LGI4: variants seen among roughly 807,000 people sequenced by gnomAD.
LGI4 encodes the protein leucine rich repeat LGI family member 4.
Under a neutral mutation model 48.3 loss-of-function variants are expected in LGI4, and 36 were observed. The ratio of observed to expected loss-of-function variants is 0.75; its 90% confidence interval spans 0.57 to 0.98. The LOEUF is 0.98. LGI4 is among the 50% of genes least tolerant of loss of function. LGI4 has a pLI of 0.00. For missense variants in LGI4, 701 were observed against 732.1 expected (o/e 0.96, Z 0.49); for synonymous variants, 355 against 331.6 (o/e 1.07, Z -0.77).
At position 35,126,501 on chromosome 19, in the gene LGI4, C is replaced by G. The variant is rs1410593650; in HGVS notation, c.1068G>C (p.Gln356His). 3 of 1,554,740 alleles carry G rather than the reference C, an allele frequency of 1.9e-6. No individual in the cohort carries two copies. Among genetic ancestry groups the G allele is most frequent in the Non-Finnish European group, 2.6e-6 (3 of 1,154,530 alleles). Residue 356 changes from glutamine to histidine, a missense_variant, in exon 8 of 9, where the codon CAG becomes CAC. Physicochemically the swap from Gln to His is conservative, Grantham distance 24. This residue lies in a region of LGI4 where 223 missense variants were observed against 263.3 expected (regional missense o/e 0.85). Coordinates refer to ENST00000310123, the MANE Select transcript of LGI4 (RefSeq NM_139284.3). Reference sequence around the variant, plus strand: ...TGTCCCGGTGCCAGGCGTGCAGGCTCTGGTGCGGGTAAAAGCCGGGCCCGT... The same window carrying G: ...TGTCCCGGTGCCAGGCGTGCAGGCTGTGGTGCGGGTAAAAGCCGGGCCCGT... ...CRDGPGFYPH[Q>H]SLHAWHRDTD...
At chr19:35,131,058 C>A in intron 6 of LGI4, 1 of 590,334 alleles carries the variant, frequency 1.7e-6, no homozygotes, top group Non-Finnish European at 3.0e-6. Flanking sequence ...CAGTTCTTAG[C>A]GCAATACTTG....
chr19:35,131,947 G>A, intron 4 of LGI4, 24 bp downstream of exon 4: 1 of 1,580,842 alleles, frequency 6.3e-7, no homozygotes, highest in Non-Finnish European at 8.6e-7. Flanking sequence ...TCTCATGGAG[G>A]GCTGGGGCGG....
intron 1 of LGI4, 91 bp downstream of exon 1, chr19:35,134,420 G>A (rs1177973750): frequency 1.5e-6 from 2 of 1,340,854 alleles, no homozygotes; most frequent in Non-Finnish European, 2.1e-6. Context: ...ATGGGCCCCT[G>A]TTTCCCTGGA....
Position 35,126,913 on chromosome 19 carries a change from A to G in LGI4, c.733T>C (p.Cys245Arg). The G allele has an allele frequency of 6.2e-7, 1 of 1,613,742 alleles. No homozygotes were observed. The highest frequency in any genetic ancestry group is 8.5e-7 in the Non-Finnish European group (1 of 1,179,932). ...IVLAQPFAGR[C>R]LILSWDYSLQ... ...CTGTAGTCCCAGGAGAGAATCAGGC[A>G]GCGGCCGGCGAAGGGCTGTGCCAGC... Residue 245 changes from cysteine to arginine, a missense_variant, in exon 7 of 9, where the codon TGC (cysteine) becomes CGC (arginine). Cys to Arg is a radical substitution (Grantham distance 180, BLOSUM62 -3). Around this residue, in one of 3 missense-constraint regions of LGI4, gnomAD observed 462 missense variants for 436.4 expected, o/e 1.06. Transcript: ENST00000310123.
At position 35,126,250 on chromosome 19, in the gene LGI4, G is replaced by C. The variant is rs8105771; in HGVS notation, c.1299+20C>G. 1 of 1,606,826 alleles carries C rather than the reference G, an allele frequency of 6.2e-7. No homozygotes were observed. The highest frequency in any genetic ancestry group is 8.5e-7 in the Non-Finnish European group (1 of 1,176,866). On this transcript the variant is annotated intron_variant, in intron 8 of 8. Coordinates refer to ENST00000310123, the MANE Select transcript of LGI4 (RefSeq NM_139284.3). ...GTCAGTGCTGAAAAGCCAGCCCCCC[G>C]CCCCCAGGCCCAGCCTCACCATGGA...
Position 35,134,760 on chromosome 19 carries a change from A to T in LGI4, c.-80T>A. 1.4e-6 allele frequency: 1 copy of T among 712,848 alleles called. No individual in the cohort carries two copies. Among genetic ancestry groups the T allele is most frequent in the Non-Finnish European group, 2.2e-6 (1 of 454,940 alleles). The allele number at this position is 712,848 out of a possible 1,614,324, so 44.2% of individuals were successfully genotyped here. On this transcript the variant is annotated 5_prime_UTR_variant, in exon 1 of 9. Coordinates refer to ENST00000310123, the MANE Select transcript of LGI4 (RefSeq NM_139284.3). ...AGGCCACTACGTCTCCTCCTCCACCAGGCCGCCCTCCATCCGCCTGCTGGC... is the reference window on the plus strand; with the variant it reads ...AGGCCACTACGTCTCCTCCTCCACCTGGCCGCCCTCCATCCGCCTGCTGGC...
intron 6 of LGI4, chr19:35,130,977 G>C (rs1347174170): frequency 5.8e-6 from 3 of 514,642 alleles, no homozygotes; most frequent in Admixed American, 7.4e-5. Flanking sequence ...GCACTGCCCA[G>C]TATCCTAAAA....
Position 35,131,879 on chromosome 19 carries a change from G to T in LGI4, c.387-19C>A, listed in dbSNP as rs751518279. Reference sequence around the variant, plus strand: ...CAGGCTTCTGGTGGAGGAAGAGAAGGCACCGTCAGCAGCCACAAGGATACC... The same window carrying T: ...CAGGCTTCTGGTGGAGGAAGAGAAGTCACCGTCAGCAGCCACAAGGATACC... On this transcript the variant is annotated intron_variant, in intron 4 of 8. Coordinates refer to ENST00000310123, the MANE Select transcript of LGI4 (RefSeq NM_139284.3). The T allele has an allele frequency of 1.3e-6, 2 of 1,565,266 alleles. No individual in the cohort carries two copies. The highest frequency in any genetic ancestry group is 2.3e-5 in the South Asian group (2 of 85,142).
Position 35,125,323 on chromosome 19 carries a change from C to G in LGI4, c.1484G>C (p.Gly495Ala). The G allele has an allele frequency of 6.2e-7, 1 of 1,612,370 alleles. No homozygotes were observed. ...KGLLEPLQEL[G>A]PPALVAPRAF... ...ACGGGGGGCCACCAGGGCCGGAGGC[C>G]CCAGCTCCTGCAGTGGCTCCAGGAG... Residue 495 changes from glycine (G) to alanine (A), a missense_variant, in exon 9 of 9, where the codon GGG (glycine) becomes GCG (alanine). This residue lies in a region of LGI4 where 223 missense variants were observed against 263.3 expected (regional missense o/e 0.85). Coordinates refer to ENST00000310123, the MANE Select transcript of LGI4 (RefSeq NM_139284.3).
Position 35,126,982 on chromosome 19 carries a change from G to A in LGI4, c.664C>T (p.Leu222=). The change falls in exon 7 of 9, where the codon CTG becomes TTG. Residue 222 remains leucine (L), a synonymous_variant. Transcript: ENST00000310123. ...SWFQTVGESA[L]SVEPFSYQGE... ...TGGTAGGAGAAGGGCTCTACGCTCAGTGCCGACTCCCCCACCGTCTGGAAC... is the reference window on the plus strand; with the variant it reads ...TGGTAGGAGAAGGGCTCTACGCTCAATGCCGACTCCCCCACCGTCTGGAAC... The A allele has an allele frequency of 6.2e-7, 1 of 1,607,690 alleles. No individual in the cohort carries two copies. Among genetic ancestry groups the A allele is most frequent in the Non-Finnish European group, 8.5e-7 (1 of 1,175,604 alleles).
chr19:35,132,043 C>T lies in LGI4; in HGVS notation c.315-1G>A. On this transcript the variant is annotated splice_acceptor_variant, in intron 3 of 8. Transcript: ENST00000310123. LOFTEE classifies it high-confidence loss of function. ...GCCAATCTCATTGTCCTCGATGAAG[C>T]TGTGGAGGGAAGCTGGGGTCAGGGG... 1 of 1,572,710 alleles carries T rather than the reference C, an allele frequency of 6.4e-7. No homozygotes were observed. Among genetic ancestry groups the T allele is most frequent in the Non-Finnish European group, 8.6e-7 (1 of 1,158,374 alleles).
chr19:35,133,898 G>T, intron 2 of LGI4, 134 bp from the exon 3 acceptor site: 1 of 1,298,462 alleles, frequency 7.7e-7, no homozygotes, highest in Non-Finnish European at 1.1e-6. Flanking sequence ...AAATGCTTTT[G>T]TACAGACGTG....
At chr19:35,130,837 G>C (rs1461283021) in intron 6 of LGI4, among the ~76,000 whole-genome samples, 2 of 152,098 alleles carry the variant, frequency 1.3e-5, no homozygotes, top group Non-Finnish European at 2.9e-5. Flanking sequence ...TCCCTGCCCT[G>C]ACCCCTCTGG....
In LGI4 at chr19:35,126,837, CG is replaced by C; in HGVS notation, c.793+15del. The C allele has an allele frequency of 6.2e-7, 1 of 1,605,508 alleles. No homozygotes were observed. The highest frequency in any genetic ancestry group is 8.5e-7 in the Non-Finnish European group (1 of 1,177,882). ...GCAGGCTGCTGGACAGGCAGAAGGA[CG>C]GGGAGGGGGCTCACCGGGCAGCTCT... On this transcript the variant is annotated intron_variant, in intron 7 of 8. Transcript: ENST00000310123.
At chr19:35,131,592 T>C in intron 5 of LGI4, 37 bp from the exon 6 acceptor site, 1 of 1,538,560 alleles carries the variant, frequency 6.5e-7, no homozygotes, top group African/African-American at 1.4e-5. Flanking sequence ...GCGACCCGGC[T>C]TCCACGCCCT....
chr19:35,133,215 A>T (rs1388181757), intron 3 of LGI4: 1 of 355,386 alleles, frequency 2.8e-6, no homozygotes, highest in African/African-American at 2.2e-5. Flanking sequence ...ACCCACACCA[A>T]TGCCAGCATT....
intron 6 of LGI4, among the ~76,000 whole-genome samples, chr19:35,128,422 C>A (rs1404460155): frequency 6.6e-6 from 1 of 152,180 alleles, no homozygotes; most frequent in Non-Finnish European, 1.5e-5. Context: ...TTGCTCAAAA[C>A]TCTCAGCCGA....
chr19:35,133,086 C>T (rs2065186378), intron 3 of LGI4, among the ~76,000 whole-genome samples: 1 of 152,138 alleles, frequency 6.6e-6, no homozygotes, highest in South Asian at 2.1e-4. Flanking sequence ...GCATCATCAC[C>T]ACTGGGGCTA....
At position 35,134,665 on chromosome 19, in the gene LGI4, T is replaced by G. The variant is rs1600478394; in HGVS notation, c.16A>C (p.Ile6Leu). MGGAGILLLLLAGAGV... is the reference protein window; with the variant it reads MGGAGLLLLLLAGAGV... ...GCCCCAGCCAGCAGCAGCAGCAGAA[T>G]GCCTGCCCCTCCCATGCCCCCACCC... The change falls in exon 1 of 9, where the codon ATT becomes CTT. Residue 6 changes from isoleucine (I) to leucine (L), a missense_variant. Physicochemically the swap from Ile to Leu is conservative, Grantham distance 5. This residue lies in a region of LGI4 where 462 missense variants were observed against 436.4 expected (regional missense o/e 1.06). Transcript: ENST00000310123. 1 of 1,127,470 alleles carries G rather than the reference T, an allele frequency of 8.9e-7. No homozygotes were observed. The highest frequency in any genetic ancestry group is 2.5e-5 in the Admixed American group (1 of 40,352). 69.8% of individuals were successfully genotyped at this position (1,127,470 alleles called of 1,614,324 possible). A position where few individuals can be genotyped will look rare whatever the true frequency, so the allele number is the denominator to read the frequency against.
Sources: gnomAD v4.1 joint callset for allele counts (sites outside exome capture counted in the v4.1 genomes callset) on GRCh38, gnomAD v4.1.1 for gene constraint, gnomAD v4.1.1 regional missense constraint, MANE v1.5 for transcripts, NCBI Gene and HGNC (gene_info 2026-07-23, HGNC 2026-07-21) for gene names.